MAP3K6: variants seen among roughly 807,000 people sequenced by gnomAD.
MAP3K6 encodes the protein mitogen-activated protein kinase kinase kinase 6, also known as apoptosis signal-regulating kinase 2.
A neutral mutation model predicts 147.1 loss-of-function variants in MAP3K6; 105 were observed. The observed-to-expected ratio is 0.71, with a 90% confidence interval of 0.61 to 0.84. The LOEUF is 0.84. Ranked by LOEUF, MAP3K6 falls within the 40% of genes least tolerant of loss-of-function variation. The pLI, the probability that MAP3K6 is intolerant of heterozygous loss-of-function variation, is 0.00. For synonymous variants in MAP3K6, 695 were observed against 732.4 expected, an observed-to-expected ratio of 0.95 and a Z score of 0.82; for missense variants, 1,569 against 1,715.0, an observed-to-expected ratio of 0.91 and a Z score of 1.50.
At position 27,364,075 on chromosome 1, in the gene MAP3K6, G is replaced by A. The variant is rs187948606; in HGVS notation, c.706C>T (p.Arg236Trp). The change falls in exon 5 of 29, where the codon CGG (arginine) becomes TGG (tryptophan). Residue 236 changes from arginine to tryptophan, a missense_variant. Coordinates refer to ENST00000357582, the MANE Select transcript of MAP3K6 (RefSeq NM_004672.5). This position sits in a 1 kb window ranked among gnomAD's most constrained non-coding sequence, Gnocchi z 4.4. ...ATPTDSCGYF[R>W]ETIRRDIRQA... ...CGGATGTCCCGCCGAATGGTCTCCC[G>A]GAAATAGCCACTGATGCCCAGGGTA... 15 of 1,612,242 alleles carry A rather than the reference G, an allele frequency of 9.3e-6. No homozygotes were observed. The highest frequency in any genetic ancestry group is 5.5e-5 in the South Asian group (5 of 90,960).
rs1032496635 is a variant in MAP3K6, at chr1:27,364,146, G to A, written c.695+58C>T. ...TGGTGGGGCCTGTACCTCAGCCCCA[G>A]CCCACCATACCCTCACCAGCCCCCT... is the stretch of plus-strand genomic sequence containing the variant. On this transcript the variant is annotated intron_variant, in intron 4 of 28. Transcript: ENST00000357582. This position sits in a 1 kb window ranked among gnomAD's most constrained non-coding sequence, Gnocchi z 4.4. 9.3e-5 allele frequency: 149 copies of A among 1,598,194 alleles called. No homozygotes were observed. Among genetic ancestry groups the A allele is most frequent in the Non-Finnish European group, 1.2e-4 (144 of 1,171,904 alleles).
chr1:27,355,300 G>C lies in MAP3K6; in HGVS notation c.*91C>G. 7.9e-7 allele frequency: 1 copy of C among 1,260,944 alleles called. No homozygotes were observed. The highest frequency in any genetic ancestry group is 1.2e-6 in the Non-Finnish European group (1 of 858,120). 78.1% of individuals were successfully genotyped at this position (1,260,944 alleles called of 1,614,324 possible). On this transcript the variant is annotated 3_prime_UTR_variant, in exon 29 of 29. Transcript: ENST00000357582. Reference sequence around the variant, plus strand: ...CGCCTGGCTTCCTCCAGTCGCCCCAGGTCCTGGGGCTGGTGTGTCAGAAGC... The same window carrying C: ...CGCCTGGCTTCCTCCAGTCGCCCCACGTCCTGGGGCTGGTGTGTCAGAAGC...
chr1:27,359,693 C>T lies in MAP3K6; in HGVS notation c.2319+165G>A. On this transcript the variant is annotated intron_variant, in intron 17 of 28. Transcript: ENST00000357582. The surrounding 1 kb of genome is among the most constrained non-coding windows in gnomAD (Gnocchi z 4.4). Reference sequence around the variant, plus strand: ...TGGGAGCTGACAATTGGTTTGGCTTCAGAGCTGAACCTTTCCCCTCCTTCT... The same window carrying T: ...TGGGAGCTGACAATTGGTTTGGCTTTAGAGCTGAACCTTTCCCCTCCTTCT... The T allele has an allele frequency of 1.2e-6, 1 of 865,382 alleles. No individual in the cohort carries two copies. Among genetic ancestry groups the T allele is most frequent in the Non-Finnish European group, 1.4e-6 (1 of 720,642 alleles). The allele number at this position is 865,382 out of a possible 1,614,324, so 53.6% of individuals were successfully genotyped here. A position where few individuals can be genotyped will look rare whatever the true frequency, so the allele number is the denominator to read the frequency against.
In MAP3K6 at chr1:27,360,770, G is replaced by C; in HGVS notation, c.1989C>G (p.Tyr663Ter). The change falls in exon 15 of 29, where the codon TAC (tyrosine) becomes TAG (stop). Residue 663 changes from tyrosine (Y) to a stop codon, truncating the protein, a stop_gained. Transcript: ENST00000357582. LOFTEE classifies it high-confidence loss of function. This position sits in a 1 kb window ranked among gnomAD's most constrained non-coding sequence, Gnocchi z 4.5. ...VLGKGTYGVV[Y>*]AGRDRHTRVR... ...CCCTCGTGTGGCGATCGCGGCCCGC[G>C]TACACCACCCCATACGTGCCCTTGC... 6.2e-7 allele frequency: 1 copy of C among 1,612,652 alleles called. No individual in the cohort carries two copies. Among genetic ancestry groups the C allele is most frequent in the Non-Finnish European group, 8.5e-7 (1 of 1,179,852 alleles).
rs902873449 is a variant in MAP3K6, at chr1:27,364,462, G to A, written c.505-68C>T. 4.4e-5 allele frequency: 70 copies of A among 1,579,822 alleles called. No homozygotes were observed. The highest frequency in any genetic ancestry group is 5.5e-5 in the Non-Finnish European group (63 of 1,151,614). On this transcript the variant is annotated intron_variant, in intron 3 of 28. Coordinates refer to ENST00000357582, the MANE Select transcript of MAP3K6 (RefSeq NM_004672.5). This position sits in a 1 kb window ranked among gnomAD's most constrained non-coding sequence, Gnocchi z 4.4. ...ACAGGGCTAGACAAGGGGAGTGAGA[G>A]CATCAAAGGTCAGCATCAGTGGGAA... is the stretch of plus-strand genomic sequence containing the variant.
At chr1:27,355,508 G>A (rs2015487338) in intron 28 of MAP3K6, 39 bp from the exon 29 acceptor site, 2 of 1,604,662 alleles carry the variant, frequency 1.2e-6, no homozygotes, top group African/African-American at 2.7e-5. Context: ...GCCAGAAGGT[G>A]GCCCTGGACT....
In MAP3K6 at chr1:27,355,682, A is replaced by G. The variant is rs1170978850; in HGVS notation, c.3775T>C (p.Tyr1259His). ...CCCAGGATGTACCTGATGCGGGTGTAGATGAGGTCATCTCGAGTGGCATAG... is the reference window on the plus strand; with the variant it reads ...CCCAGGATGTACCTGATGCGGGTGTGGATGAGGTCATCTCGAGTGGCATAG... Reference protein sequence around the residue: ...LTYATRDDLIYTRIRGGMVCR... With the variant: ...LTYATRDDLIHTRIRGGMVCR... Residue 1259 changes from tyrosine (Y) to histidine (H), a missense_variant, in exon 28 of 29, where the codon TAC becomes CAC. Physicochemically the swap from Tyr to His is moderately conservative, Grantham distance 83. Transcript: ENST00000357582. 2 of 1,613,824 alleles carry G rather than the reference A, an allele frequency of 1.2e-6. No homozygotes were observed. Among genetic ancestry groups the G allele is most frequent in the East Asian group, 4.5e-5 (2 of 44,888 alleles).
Position 27,356,648 on chromosome 1 carries a change from C to T in MAP3K6, c.3466G>A (p.Glu1156Lys), listed in dbSNP as rs912081218. 13 of 1,611,982 alleles carry T rather than the reference C, an allele frequency of 8.1e-6. No individual in the cohort carries two copies. The highest frequency in any genetic ancestry group is 5.0e-5 in the Admixed American group (3 of 59,658). Reference sequence around the variant, plus strand: ...ACCATCAGAGGAGCGGGGCCCTGCTCGGGCTCCACCGGAAGCGGGCTCTGC... The same window carrying T: ...ACCATCAGAGGAGCGGGGCCCTGCTTGGGCTCCACCGGAAGCGGGCTCTGC... ...GQQSPLPVEP[E>K]QGPAPLMVQL... The change falls in exon 25 of 29, where the codon GAG becomes AAG. Residue 1156 changes from glutamate to lysine, a missense_variant. Coordinates refer to ENST00000357582, the MANE Select transcript of MAP3K6 (RefSeq NM_004672.5).
rs145528948 is a variant in MAP3K6, at chr1:27,364,043, C to T, written c.738G>A (p.Ala246=). Reference sequence around the variant, plus strand: ...GCTGTGGCCCACTGAACCGCTCCCGCGCCTGCCGGATGTCCCGCCGAATGG... The same window carrying T: ...GCTGTGGCCCACTGAACCGCTCCCGTGCCTGCCGGATGTCCCGCCGAATGG... ...RETIRRDIRQ[A]RERFSGPQLR... is the part of the protein sequence containing the mutation. Residue 246 remains alanine (A), a synonymous_variant, in exon 5 of 29, where the codon GCG becomes GCA. Coordinates refer to ENST00000357582, the MANE Select transcript of MAP3K6 (RefSeq NM_004672.5). The surrounding 1 kb of genome is among the most constrained non-coding windows in gnomAD (Gnocchi z 4.4). 150 of 1,612,726 alleles carry T rather than the reference C, an allele frequency of 9.3e-5. No homozygotes were observed. The highest frequency in any genetic ancestry group is 1.6e-4 in the Middle Eastern group (1 of 6,082).
rs768160382 is a variant in MAP3K6 at position 27,361,591 on chromosome 1, C to T, written c.1615G>A (p.Ala539Thr). 3.7e-6 allele frequency: 6 copies of T among 1,614,190 alleles called. No individual in the cohort carries two copies. In the Middle Eastern group the frequency reaches 8.2e-4, roughly 222 times the overall value. ...TCAGTACCCCGAACCTCGAGCTTTGCAGGCAGCAGCACCTTGTTCATCTCC... is the reference window on the plus strand; with the variant it reads ...TCAGTACCCCGAACCTCGAGCTTTGTAGGCAGCAGCACCTTGTTCATCTCC... ...VLEMNKVLLP[A>T]KLEVRGTDPV... is the part of the protein sequence containing the mutation. Residue 539 changes from alanine (A) to threonine (T), a missense_variant, in exon 11 of 29, where the codon GCA becomes ACA. Ala to Thr is a moderately conservative substitution (Grantham distance 58). Transcript: ENST00000357582.
chr1:27,360,815 C>A lies in MAP3K6; in HGVS notation c.1944G>T (p.Thr648=), dbSNP rs757463630. 2 of 1,612,870 alleles carry A rather than the reference C, an allele frequency of 1.2e-6. No individual in the cohort carries two copies. The highest frequency in any genetic ancestry group is 1.7e-6 in the Non-Finnish European group (2 of 1,179,880). The change falls in exon 15 of 29, where the codon ACG becomes ACT. Residue 648 remains threonine, a synonymous_variant. Transcript: ENST00000357582. The surrounding 1 kb of genome is among the most constrained non-coding windows in gnomAD (Gnocchi z 4.5). ...MLEFDYEYTE[T]GERLVLGKGT... ...CCTTGCCCAGCACCAGCCGCTCGCC[C>A]GTCTCCGTGTACTCATAATCAAACT...
chr1:27,360,590 T>C lies in MAP3K6; in HGVS notation c.2054+115A>G. The C allele has an allele frequency of 2.1e-6, 3 of 1,453,680 alleles. No individual in the cohort carries two copies. Among genetic ancestry groups the C allele is most frequent in the Non-Finnish European group, 2.7e-6 (3 of 1,097,376 alleles). 90.0% of individuals were successfully genotyped at this position (1,453,680 alleles called of 1,614,324 possible). A position where few individuals can be genotyped will look rare whatever the true frequency, so the allele number is the denominator to read the frequency against. ...GGCCCAGTCCACAGGGCTCGAACTCTCAGGTCCTACGAGCCCGCCCACTAG... is the reference window on the plus strand; with the variant it reads ...GGCCCAGTCCACAGGGCTCGAACTCCCAGGTCCTACGAGCCCGCCCACTAG... On this transcript the variant is annotated intron_variant, in intron 15 of 28. Transcript: ENST00000357582. The surrounding 1 kb of genome is among the most constrained non-coding windows in gnomAD (Gnocchi z 4.5).
chr1:27,361,923 G>A, intron 9 of MAP3K6, 56 bp from the exon 10 acceptor site: 1 of 1,496,804 alleles, frequency 6.7e-7, no homozygotes, highest in Non-Finnish European at 8.9e-7. Flanking sequence ...CACTGCCAGG[G>A]AGAGGAAACT....
Position 27,360,077 on chromosome 1 carries a change from T to C in MAP3K6, c.2183-83A>G. The C allele has an allele frequency of 1.9e-6, 3 of 1,594,504 alleles. No individual in the cohort carries two copies. The highest frequency in any genetic ancestry group is 1.1e-5 in the South Asian group (1 of 89,656). ...TCTGCTCAAGGCCCAGACACACCCA[T>C]GTTGTAGCCCAACTCCATCACCCAG... On this transcript the variant is annotated intron_variant, in intron 16 of 28. Coordinates refer to ENST00000357582, the MANE Select transcript of MAP3K6 (RefSeq NM_004672.5). The surrounding 1 kb of genome is among the most constrained non-coding windows in gnomAD (Gnocchi z 4.5).
chr1:27,361,944 T>C, intron 9 of MAP3K6, 77 bp from the exon 10 acceptor site: 1 of 1,496,442 alleles, frequency 6.7e-7, no homozygotes, highest in South Asian at 1.3e-5. Context: ...GGCCTGGATA[T>C]AGCTAGAACG....
Position 27,365,033 on chromosome 1 carries a change from G to C in MAP3K6, c.341-121C>G, listed in dbSNP as rs572752445. ...CTCCAGTAGGGTCTGGTTCTGCTTT[G>C]GGCTTCAGTCGGCCCTTTTTAGGGT... On this transcript the variant is annotated intron_variant, in intron 1 of 28. Coordinates refer to ENST00000357582, the MANE Select transcript of MAP3K6 (RefSeq NM_004672.5). 197 of 1,103,366 alleles carry C rather than the reference G, an allele frequency of 1.8e-4. 1 individual carries two copies. Among genetic ancestry groups the C allele is most frequent in the Middle Eastern group, 1.2e-3 (4 of 3,238 alleles). The allele number at this position is 1,103,366 out of a possible 1,614,324, so 68.3% of individuals were successfully genotyped here.
intron 8 of MAP3K6, 61 bp from the exon 9 acceptor site, chr1:27,362,311 T>A (rs1413908389): frequency 6.6e-7 from 1 of 1,504,968 alleles, no homozygotes; most frequent in Non-Finnish European, 9.0e-7. Flanking sequence ...AGGCCCACCA[T>A]TTCTGTGGGC....
Position 27,360,490 on chromosome 1 carries a change from C to G in MAP3K6, c.2055-122G>C, listed in dbSNP as rs1378952231. 6.5e-6 allele frequency: 9 copies of G among 1,374,848 alleles called. No homozygotes were observed. Among genetic ancestry groups the G allele is most frequent in the Non-Finnish European group, 7.8e-6 (8 of 1,024,710 alleles). The allele number at this position is 1,374,848 out of a possible 1,614,324, so 85.2% of individuals were successfully genotyped here. On this transcript the variant is annotated intron_variant, in intron 15 of 28. Coordinates refer to ENST00000357582, the MANE Select transcript of MAP3K6 (RefSeq NM_004672.5). This position sits in a 1 kb window ranked among gnomAD's most constrained non-coding sequence, Gnocchi z 4.5. ...GCCCACAAGCCCTCTCCGACCTTCC[C>G]CACCCTTACTACCCTGCCCACAGGA...
Position 27,359,857 on chromosome 1 carries a change from C to T in MAP3K6, c.2319+1G>A, listed in dbSNP as rs925756960. On this transcript the variant is annotated splice_donor_variant, in intron 17 of 28. Coordinates refer to ENST00000357582, the MANE Select transcript of MAP3K6 (RefSeq NM_004672.5). LOFTEE classifies it high-confidence loss of function. This position sits in a 1 kb window ranked among gnomAD's most constrained non-coding sequence, Gnocchi z 4.4. ...GAGGGCGGGCCAGCCCCAGGGCTTACTTTTATGTCCCTGTGCACGATGTGG... is the reference window on the plus strand; with the variant it reads ...GAGGGCGGGCCAGCCCCAGGGCTTATTTTTATGTCCCTGTGCACGATGTGG... 1.2e-6 allele frequency: 2 copies of T among 1,614,158 alleles called. No homozygotes were observed. Among genetic ancestry groups the T allele is most frequent in the Non-Finnish European group, 1.7e-6 (2 of 1,180,012 alleles).
Sources: gnomAD v4.1 joint callset for allele counts on GRCh38, gnomAD v4.1.1 for gene constraint, Gnocchi (gnomAD v3.1) non-coding constraint, MANE v1.5 for transcripts, NCBI Gene and HGNC (gene_info 2026-07-23, HGNC 2026-07-21) for gene names.